The following TFCP2L1 variants were observed in gnomAD, a reference collection of about 807,000 sequenced individuals.
TFCP2L1 encodes transcription factor CP2-like protein 1.
A neutral mutation model predicts 72.2 loss-of-function variants in TFCP2L1; 12 were observed. That is an observed-to-expected ratio of 0.17 (90% CI 0.11 to 0.27). The LOEUF is 0.27. TFCP2L1 is among the 10% of genes least tolerant of loss of function. The pLI is 1.00. For missense variants in TFCP2L1, 488 were observed against 624.6 expected, an observed-to-expected ratio of 0.78 and a Z score of 2.33; for synonymous variants, 260 against 251.0, an observed-to-expected ratio of 1.04 and a Z score of -0.34.
rs1202608421 is a variant in TFCP2L1 at position 121,248,184 on chromosome 2, T to C, written c.484A>G (p.Arg162Gly). 6.2e-7 allele frequency: 1 copy of C among 1,613,960 alleles called. No individual in the cohort carries two copies. Among genetic ancestry groups the C allele is most frequent in the Non-Finnish European group, 8.5e-7 (1 of 1,179,960 alleles). ...AVEFLWDPAK[R>G]ASAFIQVHCI... ...CCCACCTGAATGAATGCAGAAGCTC[T>C]CTTCGCAGGGTCCCACAAAAACTCG... is the stretch of plus-strand genomic sequence containing the variant. The change falls in exon 5 of 15, where the codon AGA becomes GGA. Residue 162 changes from arginine to glycine, a missense_variant. This residue lies in a region of TFCP2L1 where 129 missense variants were observed against 236.0 expected (regional missense o/e 0.55). Coordinates refer to ENST00000263707, the MANE Select transcript of TFCP2L1 (RefSeq NM_014553.3).
chr2:121,245,854 C>T (rs1352066916), intron 6 of TFCP2L1, among the ~76,000 whole-genome samples: 2 of 152,192 alleles, frequency 1.3e-5, no homozygotes, highest in Non-Finnish European at 1.5e-5. Context: ...CCCGTGCCTT[C>T]GGTCTGGGGG....
chr2:121,228,202 C>T (rs11899125), intron 13 of TFCP2L1, among the ~76,000 whole-genome samples: 1,800 of 152,354 alleles, frequency 0.012, 40 homozygotes, highest in African/African-American at 0.041. Flanking sequence ...ACTTGCTTCA[C>T]TGCCTACTCT....
rs115112471 is a variant in TFCP2L1, at chr2:121,225,312, A to G, written c.1393+250T>C. Among the ~76,000 whole-genome samples the G allele has an allele frequency of 3.7e-3, 570 of 152,256 alleles. 4 individuals are homozygous for G. The highest frequency in any genetic ancestry group is 0.013 in the African/African-American group (550 of 41,540). ...CCCGGAGGACCCCAGGAAACCCACA[A>G]TGCTTCTACTCAACACTGAGTTCAT... On this transcript the variant is annotated intron_variant, in intron 14 of 14. Transcript: ENST00000263707.
chr2:121,228,421 T>A (rs563726060), intron 13 of TFCP2L1, among the ~76,000 whole-genome samples: 34 of 150,642 alleles, frequency 2.3e-4, no homozygotes, highest in African/African-American at 8.1e-4. Context: ...GTTAGGAACC[T>A]CAGGCTTCAT....
At chr2:121,227,996 T>G (rs952183946) in intron 13 of TFCP2L1, among the ~76,000 whole-genome samples, 6 of 152,238 alleles carry the variant, frequency 3.9e-5, no homozygotes, top group Non-Finnish European at 8.8e-5. Flanking sequence ...ATGGGCTTAA[T>G]CAGTAACTCT....
At position 121,257,917 on chromosome 2, in the gene TFCP2L1, G is replaced by A. The variant is rs561564200; in HGVS notation, c.215-8270C>T. On this transcript the variant is annotated intron_variant, in intron 2 of 14. Transcript: ENST00000263707. ...AAGTCACAGCCCCTCAATGGACAAC[G>A]GAAAGCTCTGAGAACCGGCCCGCCA... 4.6e-5 allele frequency among the ~76,000 whole-genome samples: 7 copies of A among 152,122 alleles called. No homozygotes were observed. The South Asian group carries it at 6.2e-4, about 14-fold the overall frequency.
intron 2 of TFCP2L1, among the ~76,000 whole-genome samples, chr2:121,260,555 G>A (rs1686812372): frequency 6.6e-6 from 1 of 152,178 alleles, no homozygotes; most frequent in South Asian, 2.1e-4. Context: ...CTGTCCTCCA[G>A]CCCTCACACA....
chr2:121,260,311 T>C (rs1686806144), intron 2 of TFCP2L1, among the ~76,000 whole-genome samples: 1 of 151,986 alleles, frequency 6.6e-6, no homozygotes. Flanking sequence ...TCAGACCCCT[T>C]GACACTCCAG....
chr2:121,239,507 G>C (rs1370856310), intron 8 of TFCP2L1, 51 bp downstream of exon 8: 1 of 1,594,304 alleles, frequency 6.3e-7, no homozygotes, highest in Non-Finnish European at 8.6e-7. Flanking sequence ...AGAAAGGAAA[G>C]TACACCTGCC....
intron 1 of TFCP2L1, 94 bp downstream of exon 1, chr2:121,284,954 C>A: frequency 1.7e-6 from 2 of 1,167,462 alleles, no homozygotes; most frequent in Non-Finnish European, 2.2e-6. Flanking sequence ...GGCCAGGGCC[C>A]AGCAGGGGCG....
At chr2:121,268,014 C>T (rs982147016) in intron 2 of TFCP2L1, among the ~76,000 whole-genome samples, 1 of 152,100 alleles carries the variant, frequency 6.6e-6, no homozygotes, top group Non-Finnish European at 1.5e-5. Context: ...ATATGTTAGC[C>T]AGGCTAAAGA....
intron 2 of TFCP2L1, among the ~76,000 whole-genome samples, chr2:121,252,186 C>T (rs1686626580): frequency 1.3e-5 from 2 of 152,174 alleles, no homozygotes; most frequent in Non-Finnish European, 1.5e-5. Flanking sequence ...GTAGCTAAGA[C>T]TACAGGCACA....
Position 121,234,159 on chromosome 2 carries a change from T to C in TFCP2L1, c.1130A>G (p.Gln377Arg). Residue 377 changes from glutamine (Q) to arginine (R), a missense_variant, in exon 12 of 15, where the codon CAG becomes CGG. Gln to Arg is a conservative substitution (Grantham distance 43). Coordinates refer to ENST00000263707, the MANE Select transcript of TFCP2L1 (RefSeq NM_014553.3). ...VRPKMTIYVC[Q>R]ELEQNRVPLQ... ...GGGCACTCGATTCTGCTCCAGCTCC[T>C]GACAGACATAAATGGTCATCTTTGG... 1 of 1,614,196 alleles carries C rather than the reference T, an allele frequency of 6.2e-7. No individual in the cohort carries two copies. Among genetic ancestry groups the C allele is most frequent in the Non-Finnish European group, 8.5e-7 (1 of 1,180,034 alleles).
rs1685867397 is a variant in TFCP2L1, at chr2:121,218,168, A to G, written c.*6173T>C. The G allele has an allele frequency of 6.6e-6, 1 of 152,262 alleles. No homozygotes were observed. Among genetic ancestry groups the G allele is most frequent in the Non-Finnish European group, 1.5e-5 (1 of 68,048 alleles). 9.4% of individuals were successfully genotyped at this position (152,262 alleles called of 1,614,324 possible). A position where few individuals can be genotyped will look rare whatever the true frequency, so the allele number is the denominator to read the frequency against. On this transcript the variant is annotated 3_prime_UTR_variant, in exon 15 of 15. Coordinates refer to ENST00000263707, the MANE Select transcript of TFCP2L1 (RefSeq NM_014553.3). ...AATATTTTGGGCTTTCAGAGCCAAG[A>G]GGCAAAATCAATATTATGTTGGCGT...
intron 2 of TFCP2L1, among the ~76,000 whole-genome samples, chr2:121,271,346 G>C (rs1220536511): frequency 1.3e-5 from 2 of 152,126 alleles, no homozygotes; most frequent in African/African-American, 4.8e-5. Flanking sequence ...ATGGGTTAAA[G>C]TATGACTACG....
intron 7 of TFCP2L1, among the ~76,000 whole-genome samples, chr2:121,242,109 G>A (rs61136573): frequency 0.023 from 2,980 of 129,938 alleles, 65 homozygotes; most frequent in East Asian, 0.084. Flanking sequence ...AAAAAAAAAA[G>A]GGAACCTAAT....
chr2:121,251,294 C>CCTTGTG (rs997838707), intron 2 of TFCP2L1, among the ~76,000 whole-genome samples: 19 of 151,884 alleles, frequency 1.3e-4, no homozygotes, highest in African/African-American at 4.6e-4. Flanking sequence ...GTCCTGTGTA[C>CCTTGTG]CTTGTGCCAG....
intron 2 of TFCP2L1, among the ~76,000 whole-genome samples, chr2:121,280,450 A>G (rs955130445): frequency 1.3e-5 from 2 of 152,162 alleles, no homozygotes; most frequent in East Asian, 3.9e-4. Flanking sequence ...GGACACAATC[A>G]TGGTCACAAT....
intron 2 of TFCP2L1, among the ~76,000 whole-genome samples, chr2:121,252,288 C>G (rs553897638): frequency 1.3e-5 from 2 of 152,254 alleles, no homozygotes; most frequent in South Asian, 4.1e-4. Flanking sequence ...CTCAAGTGAT[C>G]CCCCAGCCTT....
Sources: gnomAD v4.1 joint callset for allele counts (sites outside exome capture counted in the v4.1 genomes callset) on GRCh38, gnomAD v4.1.1 for gene constraint, gnomAD v4.1.1 regional missense constraint, MANE v1.5 for transcripts, NCBI Gene and HGNC (gene_info 2026-07-23, HGNC 2026-07-21) for gene names.